The following CCDC181 variants were observed in gnomAD, a reference collection of about 807,000 sequenced individuals.
CCDC181 encodes coiled-coil domain-containing protein 181.
A neutral mutation model predicts 58.7 loss-of-function variants in CCDC181; 35 were observed. The observed-to-expected ratio is 0.60, with a 90% CI of 0.46 to 0.79. CCDC181 has a LOEUF of 0.79. CCDC181 is among the 30% of genes least tolerant of loss of function. The probability of loss-of-function intolerance (pLI) is 0.00; values close to 1 mark genes in which losing one functional copy is unlikely to be tolerated. For synonymous variants in CCDC181, 183 were observed against 197.5 expected, an observed-to-expected ratio of 0.93 and a Z score of 0.62; for missense variants, 517 against 583.9, an observed-to-expected ratio of 0.89 and a Z score of 1.18.
intron 2 of CCDC181, among the ~76,000 whole-genome samples, chr1:169,455,931 G>C (rs1185466801): frequency 6.6e-6 from 1 of 152,010 alleles, no homozygotes; most frequent in Non-Finnish European, 1.5e-5. Flanking sequence ...TATTTATCCA[G>C]ATTATAATGA....
intron 4 of CCDC181, among the ~76,000 whole-genome samples, chr1:169,408,296 G>A (rs1212765122): frequency 1.3e-5 from 2 of 152,204 alleles, no homozygotes; most frequent in Non-Finnish European, 2.9e-5. Flanking sequence ...CAGGAAGTTG[G>A]AACTGGGCAG....
Position 169,437,250 on chromosome 1 carries a change from A to C in CCDC181, c.-23-12300T>G, listed in dbSNP as rs569357984. 9.8e-5 allele frequency among the ~76,000 whole-genome samples: 15 copies of C among 152,330 alleles called. No individual in the cohort carries two copies. In the East Asian group the frequency reaches 2.9e-3, roughly 29 times the overall value. Reference sequence around the variant, plus strand: ...TGGTGCCAGCTGATCCATCAAGTGCAGGGTCTGCAAAATGTCTCAGGTACT... The same window carrying C: ...TGGTGCCAGCTGATCCATCAAGTGCCGGGTCTGCAAAATGTCTCAGGTACT... On this transcript the variant is annotated intron_variant, in intron 2 of 6. Coordinates refer to the CCDC181 transcript ENST00000545005.
intron 2 of CCDC181, among the ~76,000 whole-genome samples, chr1:169,424,603 C>T (rs114414643): frequency 3.7e-3 from 558 of 151,860 alleles, no homozygotes; most frequent in African/African-American, 0.013. Context: ...TAACTGTTCT[C>T]TCACTAACCT....
chr1:169,438,631 T>C (rs1453910020), intron 2 of CCDC181, among the ~76,000 whole-genome samples: 2 of 152,112 alleles, frequency 1.3e-5, no homozygotes, highest in African/African-American at 4.8e-5. Context: ...AAGCTCAAAC[T>C]TTCTCCTGTT....
rs773572519 is a variant in CCDC181 at position 169,397,296 on chromosome 1, C to G, written c.1311G>C (p.Lys437Asn). 21 of 1,611,052 alleles carry G rather than the reference C, an allele frequency of 1.3e-5. No individual in the cohort carries two copies. Among genetic ancestry groups the G allele is most frequent in the Admixed American group, 3.4e-5 (2 of 59,474 alleles). The part of the protein sequence containing the change: ...MKERQTEELR[K>N]QEECLFFLKG... ...TAAGGAAGAATAAACATTCCTCTTG[C>G]TTTCTTAGTTCTTCTGTCTGTCTTT... is the stretch of plus-strand genomic sequence containing the variant. Residue 437 changes from lysine (K) to asparagine (N), a missense_variant, in exon 5 of 6, where the codon AAG (lysine) becomes AAC (asparagine). By Grantham distance (94) the Lys-to-Asn change is moderately conservative. Transcript: ENST00000367806.
intron 2 of CCDC181, among the ~76,000 whole-genome samples, chr1:169,432,927 G>A (rs1456303819): frequency 6.6e-6 from 1 of 152,004 alleles, no homozygotes; most frequent in Non-Finnish European, 1.5e-5. Context: ...TCTAAGATCA[G>A]GTATAAGATG....
At chr1:169,438,897 G>T (rs1357836931) in intron 2 of CCDC181, among the ~76,000 whole-genome samples, 2 of 152,132 alleles carry the variant, frequency 1.3e-5, no homozygotes, top group Non-Finnish European at 2.9e-5. Flanking sequence ...ACAGACAGAA[G>T]GATTCCAAAT....
chr1:169,438,835 A>T (rs142590459), intron 2 of CCDC181, among the ~76,000 whole-genome samples: 1 of 152,286 alleles, frequency 6.6e-6, no homozygotes, highest in East Asian at 1.9e-4. Flanking sequence ...GACTTCCATA[A>T]GCAATTTCTT....
intron 2 of CCDC181, among the ~76,000 whole-genome samples, chr1:169,438,601 C>T (rs1056824340): frequency 2.0e-5 from 3 of 152,210 alleles, no homozygotes; most frequent in African/African-American, 7.2e-5. Flanking sequence ...CCTTGTTCAG[C>T]ACCCAATATC....
chr1:169,432,098 G>A (rs1656935671), upstream of CCDC181, among the ~76,000 whole-genome samples: 1 of 151,918 alleles, frequency 6.6e-6, no homozygotes, highest in Non-Finnish European at 1.5e-5. Flanking sequence ...GGAAAGATGT[G>A]GAGAAAGTGA....
chr1:169,395,503 T>C (rs1169142713), intron 5 of CCDC181, among the ~76,000 whole-genome samples: 1 of 152,216 alleles, frequency 6.6e-6, no homozygotes, highest in Non-Finnish European at 1.5e-5. Flanking sequence ...ATCCTATTCT[T>C]TTTTTAGAAA....
chr1:169,459,522 G>C, intron 2 of CCDC181, among the ~76,000 whole-genome samples: 1 of 152,066 alleles, frequency 6.6e-6, no homozygotes, highest in East Asian at 1.9e-4. Flanking sequence ...GCATATTTAG[G>C]TATGGTATTT....
At position 169,404,205 on chromosome 1, in the gene CCDC181, A is replaced by G. The variant is rs59440814; in HGVS notation, c.1216-6814T>C. Among the ~76,000 whole-genome samples, 1,381 of 152,286 alleles carry G rather than the reference A, an allele frequency of 9.1e-3. 30 individuals carry two copies. Among genetic ancestry groups the G allele is most frequent in the African/African-American group, 0.032 (1,319 of 41,556 alleles). On this transcript the variant is annotated intron_variant, in intron 4 of 5. Coordinates refer to ENST00000367806, the MANE Select transcript of CCDC181 (RefSeq NM_001300969.2). ...AACCAAAAAAAGTCCAGGACCAGAC[A>G]GATTCACAGCCAAATTCTACCAGAG...
chr1:169,432,065 C>T (rs895440219), upstream of CCDC181, among the ~76,000 whole-genome samples: 2 of 151,990 alleles, frequency 1.3e-5, no homozygotes, highest in Admixed American at 6.6e-5. Flanking sequence ...GACCTTAAAT[C>T]ATAAAGATGC....
chr1:169,452,130 C>T (rs967556111), intron 2 of CCDC181, among the ~76,000 whole-genome samples: 5 of 151,482 alleles, frequency 3.3e-5, no homozygotes, highest in African/African-American at 9.7e-5. Flanking sequence ...GATTGGAGAA[C>T]TTAGCTTCAG....
At chr1:169,413,811 T>C (rs954931317) in intron 4 of CCDC181, among the ~76,000 whole-genome samples, 4 of 151,422 alleles carry the variant, frequency 2.6e-5, no homozygotes, top group African/African-American at 9.7e-5. Flanking sequence ...TAAGTGGAAG[T>C]TGAACAATGA....
In CCDC181 at chr1:169,395,119, ACG is replaced by A; in HGVS notation, c.1456_1457del (p.Arg486PhefsTer2). ...RTRQLRLEAK[R>X]SKQLQHHLYM... ...ATAGGTGGTGCTGTAACTGTTTAGA[ACG>A]CTTAGCTTCTAGTCGGAGCTGTCTA... On this transcript the variant is annotated frameshift_variant, in exon 6 of 6. Transcript: ENST00000367806. LOFTEE classifies it high-confidence loss of function. The A allele has an allele frequency of 6.2e-7, 1 of 1,613,688 alleles. No individual in the cohort carries two copies. The highest frequency in any genetic ancestry group is 1.7e-5 in the Admixed American group (1 of 59,926).
intron 2 of CCDC181, among the ~76,000 whole-genome samples, chr1:169,444,599 A>C (rs1657323636): frequency 6.6e-6 from 1 of 152,234 alleles, no homozygotes; most frequent in Middle Eastern, 3.4e-3. Flanking sequence ...CACTTCAAAA[A>C]CCACATGCTT....
chr1:169,404,155 T>C lies in CCDC181; in HGVS notation c.1216-6764A>G, dbSNP rs185316096. Among the ~76,000 whole-genome samples the C allele has an allele frequency of 8.6e-3, 1,308 of 152,212 alleles. 19 individuals carry two copies. Among genetic ancestry groups the C allele is most frequent in the African/African-American group, 0.03 (1,235 of 41,510 alleles). On this transcript the variant is annotated intron_variant, in intron 4 of 5. Coordinates refer to ENST00000367806, the MANE Select transcript of CCDC181 (RefSeq NM_001300969.2). ...AATAGACGAATAACAGGCTCTGAAATTGAGGCAATAATTAATAGCCTACCA... is the reference window on the plus strand; with the variant it reads ...AATAGACGAATAACAGGCTCTGAAACTGAGGCAATAATTAATAGCCTACCA...
Sources: allele counts gnomAD v4.1 joint callset (sites outside exome capture counted in the v4.1 genomes callset), GRCh38; gene constraint gnomAD v4.1.1; transcripts MANE v1.5; gene names NCBI Gene and HGNC (gene_info 2026-07-23, HGNC 2026-07-21).